Variants in EIF2B3 observed in about 807,000 individuals in gnomAD.
The protein encoded by EIF2B3 is eukaryotic translation initiation factor 2B subunit gamma.
A neutral mutation model predicts 54.1 loss-of-function variants in EIF2B3; 20 were observed. The ratio of observed to expected loss-of-function variants is 0.37; its 90% CI spans 0.26 to 0.54. EIF2B3 has a LOEUF of 0.54. EIF2B3 is among the 20% of genes least tolerant of loss of function. The pLI, the probability that EIF2B3 is intolerant of heterozygous loss-of-function variation, is 0.86. For synonymous variants in EIF2B3, 153 were observed against 188.1 expected, an observed-to-expected ratio of 0.81 and a Z score of 1.52; for missense variants, 448 against 547.8, an observed-to-expected ratio of 0.82 and a Z score of 1.82.
chr1:44,916,182 C>G (rs1036726952), intron 5 of EIF2B3, among the ~76,000 whole-genome samples: 2 of 152,030 alleles, frequency 1.3e-5, no homozygotes, highest in Admixed American at 1.3e-4. Flanking sequence ...CATGGTTTCT[C>G]TATTACCATA....
chr1:44,946,108 T>C (rs929453018), intron 3 of EIF2B3, among the ~76,000 whole-genome samples: 1 of 152,226 alleles, frequency 6.6e-6, no homozygotes, highest in Admixed American at 6.5e-5. Flanking sequence ...TGATGACTTT[T>C]TGCTAAACTG....
At chr1:44,868,739 C>T (rs1184620894) in intron 10 of EIF2B3, among the ~76,000 whole-genome samples, 3 of 152,164 alleles carry the variant, frequency 2.0e-5, no homozygotes, top group Admixed American at 2.0e-4. Flanking sequence ...AGCTACAAAG[C>T]TCATGAGTTA....
In EIF2B3 at chr1:44,850,784, G is replaced by A; in HGVS notation, c.*167C>T. 2.8e-6 allele frequency: 2 copies of A among 704,884 alleles called. No homozygotes were observed. The highest frequency in any genetic ancestry group is 5.0e-6 in the Non-Finnish European group (2 of 401,386). 43.7% of individuals were successfully genotyped at this position (704,884 alleles called of 1,614,324 possible). ...CACATGACACATGAACATACACTGTGTACACCTGGAGCCCACCTGACATGG... is the reference window on the plus strand; with the variant it reads ...CACATGACACATGAACATACACTGTATACACCTGGAGCCCACCTGACATGG... On this transcript the variant is annotated 3_prime_UTR_variant, in exon 12 of 12. Transcript: ENST00000360403.
intron 6 of EIF2B3, among the ~76,000 whole-genome samples, chr1:44,887,216 C>T (rs1655619373): frequency 1.3e-5 from 2 of 152,102 alleles, no homozygotes; most frequent in South Asian, 4.1e-4. Flanking sequence ...TGGCTTGGAT[C>T]CAGCTAATTA....
intron 3 of EIF2B3, among the ~76,000 whole-genome samples, chr1:44,974,424 T>C (rs1644432876): frequency 6.8e-6 from 1 of 146,746 alleles, no homozygotes; most frequent in Admixed American, 7.0e-5. Flanking sequence ...CAGTGAGCCG[T>C]GATCGAGCCA....
intron 4 of EIF2B3, among the ~76,000 whole-genome samples, chr1:44,935,101 T>C (rs567205844): frequency 6.6e-6 from 1 of 152,320 alleles, no homozygotes; most frequent in South Asian, 2.1e-4. Context: ...ACTAAGGAGT[T>C]TGGGAAATAC....
chr1:44,906,339 A>C (rs1643409801), intron 5 of EIF2B3, among the ~76,000 whole-genome samples: 1 of 152,188 alleles, frequency 6.6e-6, no homozygotes, highest in South Asian at 2.1e-4. Context: ...GTCACGGCAA[A>C]GGTTCAGTGA....
intron 3 of EIF2B3, among the ~76,000 whole-genome samples, chr1:44,949,889 G>C (rs1644143265): frequency 6.6e-6 from 1 of 152,148 alleles, no homozygotes; most frequent in Admixed American, 6.5e-5. Flanking sequence ...CTTCCTTACT[G>C]TGTGAAGCTA....
At chr1:44,886,420 C>T (rs1391713823) in intron 6 of EIF2B3, among the ~76,000 whole-genome samples, 1 of 152,072 alleles carries the variant, frequency 6.6e-6, no homozygotes, top group Non-Finnish European at 1.5e-5. Flanking sequence ...TGTATTCTTA[C>T]TATATATATG....
At chr1:44,958,989 T>G (rs1022993244) in intron 3 of EIF2B3, 2 of 749,678 alleles carry the variant, frequency 2.7e-6, no homozygotes, top group African/African-American at 3.5e-5. Context: ...GGAAGTCACC[T>G]CCATGAAGAA....
chr1:44,872,424 C>T (rs1273082301), intron 10 of EIF2B3, among the ~76,000 whole-genome samples: 1 of 151,836 alleles, frequency 6.6e-6, no homozygotes, highest in Non-Finnish European at 1.5e-5. Context: ...GGTGGGAGGA[C>T]TGCTTGAGGC....
In EIF2B3 at chr1:44,877,053, C is replaced by T. The variant is rs183874713; in HGVS notation, c.976-1358G>A. On this transcript the variant is annotated intron_variant, in intron 8 of 11. Coordinates refer to ENST00000360403, the MANE Select transcript of EIF2B3 (RefSeq NM_020365.5). ...GATCTTAAGTACCCAGGGACACAAA[C>T]GCTGCGGAAGGCCACAGGGTCCTCT... Among the ~76,000 whole-genome samples the T allele has an allele frequency of 4.0e-3, 610 of 150,834 alleles. 19 individuals are homozygous for T. The highest frequency in any genetic ancestry group is 0.036 in the Admixed American group (551 of 15,154).
intron 11 of EIF2B3, among the ~76,000 whole-genome samples, chr1:44,852,506 G>T (rs575013260): frequency 6.6e-6 from 1 of 152,070 alleles, no homozygotes; most frequent in Non-Finnish European, 1.5e-5. Context: ...GGCGCTGGGC[G>T]CGGTGGCTCA....
chr1:44,902,828 TTAAAAAAAAAAAAAA>T (rs1643336848), intron 5 of EIF2B3, among the ~76,000 whole-genome samples: 2 of 11,924 alleles, frequency 1.7e-4, no homozygotes, highest in Admixed American at 1.6e-3. Context: ...GACTCTTTCT[TTAAAAAAAAAAAAAA>T]AAAAAAAAAA....
chr1:44,868,835 C>T (rs984024754), intron 10 of EIF2B3, among the ~76,000 whole-genome samples: 1 of 152,122 alleles, frequency 6.6e-6, no homozygotes, highest in African/African-American at 2.4e-5. Flanking sequence ...ATCCAGGAGT[C>T]TGGAAGAGGA....
At chr1:44,874,225 C>T (rs539030396) in intron 10 of EIF2B3, among the ~76,000 whole-genome samples, 3 of 152,268 alleles carry the variant, frequency 2.0e-5, no homozygotes, top group East Asian at 1.9e-4. Context: ...ATGTTATCCC[C>T]GATTCAACTT....
At position 44,850,767 on chromosome 1, in the gene EIF2B3, A is replaced by G; in HGVS notation, c.*184T>C. 1 of 642,404 alleles carries G rather than the reference A, an allele frequency of 1.6e-6. No individual in the cohort carries two copies. The highest frequency in any genetic ancestry group is 2.8e-6 in the Non-Finnish European group (1 of 363,630). The allele number at this position is 642,404 out of a possible 1,614,324, so 39.8% of individuals were successfully genotyped here. A position where few individuals can be genotyped will look rare whatever the true frequency, so the allele number is the denominator to read the frequency against. ...CTCCAGATGATCTTTACCACATGAC[A>G]CATGAACATACACTGTGTACACCTG... is the stretch of plus-strand genomic sequence containing the variant. On this transcript the variant is annotated 3_prime_UTR_variant, in exon 12 of 12. Coordinates refer to ENST00000360403, the MANE Select transcript of EIF2B3 (RefSeq NM_020365.5).
At chr1:44,897,737 C>CT (rs36113373) in intron 5 of EIF2B3, among the ~76,000 whole-genome samples, 9,578 of 134,454 alleles carry the variant, frequency 0.071, 1,178 homozygotes, top group African/African-American at 0.24. Context: ...TGATCGTTAA[C>CT]TTTTTTTTTT....
chr1:44,978,341 A>C lies in EIF2B3; in HGVS notation c.268T>G (p.Leu90Val), dbSNP rs1166774581. The change falls in exon 3 of 12, where the codon TTG (leucine) becomes GTG (valine). Residue 90 changes from leucine to valine, a missense_variant. Around this residue, in one of 3 missense-constraint regions of EIF2B3, gnomAD observed 95 missense variants for 115.7 expected, o/e 0.82. Transcript: ENST00000360403. ...DDADMGTADSLRYIYPKLKTD... is the reference protein window; with the variant it reads ...DDADMGTADSVRYIYPKLKTD... ...TTAAGTTTTGGATATATGTAGCGCAAAGAATCTGCAGTTCCCATGTCAGCG... is the reference window on the plus strand; with the variant it reads ...TTAAGTTTTGGATATATGTAGCGCACAGAATCTGCAGTTCCCATGTCAGCG... The C allele has an allele frequency of 1.2e-6, 2 of 1,614,000 alleles. No individual in the cohort carries two copies. The highest frequency in any genetic ancestry group is 1.7e-6 in the Non-Finnish European group (2 of 1,180,020).
Sources: allele counts gnomAD v4.1 joint callset (sites outside exome capture counted in the v4.1 genomes callset), GRCh38; gene constraint gnomAD v4.1.1; regional missense constraint gnomAD v4.1.1; transcripts MANE v1.5; gene names NCBI Gene and HGNC (gene_info 2026-07-23, HGNC 2026-07-21).